Variants in MSI2 observed in about 807,000 individuals in gnomAD.
MSI2 encodes RNA-binding protein Musashi homolog 2.
A neutral mutation model predicts 45.6 loss-of-function variants in MSI2; 17 were observed. That is an observed-to-expected ratio of 0.37 (90% CI 0.26 to 0.56). MSI2 has a LOEUF of 0.56. Among genes scored for constraint, MSI2 ranks in the 20% least tolerant of loss-of-function variants. The probability of loss-of-function intolerance (pLI) is 0.77; values close to 1 mark genes in which losing one functional copy is unlikely to be tolerated. For missense variants in MSI2, 293 were observed against 444.2 expected, an observed-to-expected ratio of 0.66 and a Z score of 3.06; for synonymous variants, 156 against 158.2, an observed-to-expected ratio of 0.99 and a Z score of 0.11.
At chr17:57,502,982 A>G (rs1190616839) in intron 6 of MSI2, among the ~76,000 whole-genome samples, 1 of 151,172 alleles carries the variant, frequency 6.6e-6, no homozygotes. Context: ...TTTTTTTTTC[A>G]GTGATTTACT....
chr17:57,675,260 C>A, intron 12 of MSI2, 134 bp downstream of exon 12: 1 of 854,158 alleles, frequency 1.2e-6, no homozygotes, highest in Non-Finnish European at 1.8e-6. Context: ...ATCACACCAG[C>A]TCCTGAGGGC....
At chr17:57,357,885 A>T (rs1916547265) in intron 5 of MSI2, among the ~76,000 whole-genome samples, 1 of 152,062 alleles carries the variant, frequency 6.6e-6, no homozygotes, top group Admixed American at 6.5e-5. Flanking sequence ...CTCTTGACTG[A>T]GTCTTTGCCC....
At chr17:57,538,816 T>C (rs79279320) in intron 7 of MSI2, among the ~76,000 whole-genome samples, 10,187 of 152,280 alleles carry the variant, frequency 0.067, 458 homozygotes, top group East Asian at 0.21. Context: ...GAGTTAGAAC[T>C]GCATATTGGT....
intron 6 of MSI2, among the ~76,000 whole-genome samples, chr17:57,511,795 G>A (rs1185130527): frequency 6.6e-6 from 1 of 152,130 alleles, no homozygotes; most frequent in African/African-American, 2.4e-5. Context: ...GTTCCCCCAG[G>A]TTTCTTTCTG....
intron 6 of MSI2, among the ~76,000 whole-genome samples, chr17:57,420,133 T>C (rs370217049): frequency 6.6e-6 from 1 of 152,214 alleles, no homozygotes; most frequent in East Asian, 1.9e-4. Flanking sequence ...GACTGCCCTC[T>C]GCTGAAAAGG....
chr17:57,262,002 A>G, intron 4 of MSI2, 149 bp from the exon 5 acceptor site: 1 of 756,476 alleles, frequency 1.3e-6, no homozygotes, highest in East Asian at 2.7e-5. Context: ...AGTTGAGATC[A>G]AAGTTTAAGA....
chr17:57,459,624 G>A (rs867042652), intron 6 of MSI2, among the ~76,000 whole-genome samples: 37 of 152,182 alleles, frequency 2.4e-4, no homozygotes, highest in Admixed American at 4.6e-4. Flanking sequence ...AGTAGTGGTA[G>A]GTCCTGGAGA....
intron 5 of MSI2, among the ~76,000 whole-genome samples, chr17:57,394,873 C>T (rs531265103): frequency 2.0e-4 from 30 of 152,264 alleles, no homozygotes; most frequent in Admixed American, 8.5e-4. Flanking sequence ...GCGCTTCTCC[C>T]GAATAGATCT....
At chr17:57,447,197 C>T (rs570707837) in intron 6 of MSI2, among the ~76,000 whole-genome samples, 1 of 152,328 alleles carries the variant, frequency 6.6e-6, no homozygotes, top group Admixed American at 6.5e-5. Context: ...AGTGATCCTC[C>T]CACCTCAGCC....
intron 6 of MSI2, among the ~76,000 whole-genome samples, chr17:57,508,510 A>G (rs957639202): frequency 1.3e-5 from 2 of 152,248 alleles, no homozygotes; most frequent in African/African-American, 2.4e-5. Context: ...GGGTGCTCCA[A>G]ATAGCTTAAA....
At chr17:57,427,398 C>A (rs2084512917) in intron 6 of MSI2, among the ~76,000 whole-genome samples, 1 of 149,714 alleles carries the variant, frequency 6.7e-6, no homozygotes, top group African/African-American at 2.5e-5. Context: ...ACTCTGTCTC[C>A]AAAAAAAAAA....
chr17:57,372,979 G>T (rs1246915144), intron 5 of MSI2, among the ~76,000 whole-genome samples: 3 of 152,194 alleles, frequency 2.0e-5, no homozygotes, highest in African/African-American at 4.8e-5. Flanking sequence ...CTGGGCACAG[G>T]GGCTCACGAC....
intron 7 of MSI2, among the ~76,000 whole-genome samples, chr17:57,560,298 G>C (rs1039269788): frequency 2.6e-5 from 4 of 152,302 alleles, no homozygotes; most frequent in African/African-American, 7.2e-5. Context: ...TGGAGGGGGA[G>C]AGTTTGGAGG....
chr17:57,352,868 C>T (rs1916131541), intron 5 of MSI2, among the ~76,000 whole-genome samples: 1 of 152,220 alleles, frequency 6.6e-6, no homozygotes, highest in African/African-American at 2.4e-5. Context: ...TGCTTCAGCC[C>T]TGCTGGGCAC....
At chr17:57,352,896 C>T (rs992947876) in intron 5 of MSI2, among the ~76,000 whole-genome samples, 4 of 152,138 alleles carry the variant, frequency 2.6e-5, no homozygotes, top group African/African-American at 4.8e-5. Flanking sequence ...TTTCACAGGG[C>T]GGTGTTAAGG....
intron 7 of MSI2, among the ~76,000 whole-genome samples, chr17:57,574,869 C>T (rs143871893): frequency 0.011 from 1,592 of 140,880 alleles, 28 homozygotes; most frequent in African/African-American, 0.039. Context: ...CTCGCTCTGT[C>T]GCCCAGGCTG....
chr17:57,631,533 A>G, intron 10 of MSI2: 1 of 441,210 alleles, frequency 2.3e-6, no homozygotes, highest in Non-Finnish European at 4.0e-6. Context: ...ATGTTCCTAG[A>G]GAAGGCTAGA....
chr17:57,599,610 G>T (rs1427406377), intron 8 of MSI2, among the ~76,000 whole-genome samples: 1 of 152,204 alleles, frequency 6.6e-6, no homozygotes, highest in East Asian at 1.9e-4. Context: ...TGAATCTGGG[G>T]CTAGTACTTG....
At chr17:57,362,650 A>C (rs190712724) in intron 5 of MSI2, among the ~76,000 whole-genome samples, 2 of 152,052 alleles carry the variant, frequency 1.3e-5, no homozygotes, top group African/African-American at 4.8e-5. Flanking sequence ...TCTAGGGGGG[A>C]AAAAAGTGCC....
Sources: gnomAD v4.1 joint callset for allele counts (sites outside exome capture counted in the v4.1 genomes callset) on GRCh38, gnomAD v4.1.1 for gene constraint, MANE v1.5 for transcripts, NCBI Gene and HGNC (gene_info 2026-07-23, HGNC 2026-07-21) for gene names.